MGAT1: variants seen among roughly 807,000 people sequenced by gnomAD.
MGAT1 encodes the protein N-glycosyl-oligosaccharide-glycoprotein N-acetylglucosaminyltransferase I.
A neutral mutation model predicts 31.7 loss-of-function variants in MGAT1; 14 were observed. That is an observed-to-expected ratio of 0.44 (90% CI 0.29 to 0.69). The LOEUF is 0.69. Among genes scored for constraint, MGAT1 ranks in the 30% least tolerant of loss-of-function variants. The pLI, the probability that MGAT1 is intolerant of heterozygous loss-of-function variation, is 0.12. For synonymous variants in MGAT1, 338 were observed against 276.0 expected, an observed-to-expected ratio of 1.22 and a Z score of -2.23; for missense variants, 557 against 626.0, an observed-to-expected ratio of 0.89 and a Z score of 1.18.
At chr5:180,803,986 C>T (rs992174219), upstream of MGAT1, 2 of 152,404 alleles carry the variant, frequency 1.3e-5, no homozygotes, top group South Asian at 4.1e-4. Flanking sequence ...TGGTTACTGA[C>T]TGACTGCTCA....
chr5:180,795,628 AAG>A (rs1311655613), intron 1 of MGAT1: 1 of 152,240 alleles, frequency 6.6e-6, no homozygotes, highest in Non-Finnish European at 1.5e-5. Flanking sequence ...AATCTGAGTA[AAG>A]AGAGTGTGTA....
chr5:180,806,982 T>C (rs1267918782), upstream of MGAT1, among the ~76,000 whole-genome samples: 2 of 152,150 alleles, frequency 1.3e-5, no homozygotes, highest in Non-Finnish European at 2.9e-5. Flanking sequence ...TCAAAGGGGC[T>C]GCCCCAGGCA....
At chr5:180,806,643 G>T (rs1423210667), upstream of MGAT1, among the ~76,000 whole-genome samples, 1 of 152,190 alleles carries the variant, frequency 6.6e-6, no homozygotes, top group Admixed American at 6.5e-5. Context: ...CTACCCTTAG[G>T]CAAACCCTTC....
In MGAT1 at chr5:180,791,627, G is replaced by A. The variant is rs1273804994; in HGVS notation, c.*7C>T. ...GCAAGGAGGGGCCCAGGAAGGACAGGCAGGTGCTAATTCCAGCTAGGATCA... is the reference window on the plus strand; with the variant it reads ...GCAAGGAGGGGCCCAGGAAGGACAGACAGGTGCTAATTCCAGCTAGGATCA... On this transcript the variant is annotated 3_prime_UTR_variant, in exon 2 of 2. Coordinates refer to ENST00000307826, the MANE Select transcript of MGAT1 (RefSeq NM_002406.4). 2 of 1,612,170 alleles carry A rather than the reference G, an allele frequency of 1.2e-6. No homozygotes were observed. The highest frequency in any genetic ancestry group is 2.2e-5 in the East Asian group (1 of 44,876).
intron 1 of MGAT1, among the ~76,000 whole-genome samples, chr5:180,798,289 C>T (rs1467766384): frequency 6.6e-6 from 1 of 152,198 alleles, no homozygotes; most frequent in African/African-American, 2.4e-5. Flanking sequence ...CGTCTGGTAC[C>T]CCAACAGCCA....
Sources: gnomAD v4.1 joint callset for allele counts (sites outside exome capture counted in the v4.1 genomes callset) on GRCh38, gnomAD v4.1.1 for gene constraint, MANE v1.5 for transcripts, NCBI Gene and HGNC (gene_info 2026-07-23, HGNC 2026-07-21) for gene names.